The following DPP6 variants were observed in gnomAD, a reference collection of about 807,000 sequenced individuals.
DPP6 encodes dipeptidyl peptidase like 6.
Under a neutral mutation model 122.6 loss-of-function variants are expected in DPP6, and 69 were observed. The ratio of observed to expected loss-of-function variants is 0.56; its 90% confidence interval spans 0.46 to 0.69. The LOEUF is 0.69. DPP6 is among the 30% of genes least tolerant of loss of function. The pLI, the probability that DPP6 is intolerant of heterozygous loss-of-function variation, is 0.00. For synonymous variants in DPP6, 418 were observed against 433.1 expected (o/e 0.97, Z 0.43); for missense variants, 928 against 1,116.9 (o/e 0.83, Z 2.41).
At chr7:153,974,473 A>G (rs1796195816) in intron 1 of DPP6, among the ~76,000 whole-genome samples, 1 of 152,192 alleles carries the variant, frequency 6.6e-6, no homozygotes. Flanking sequence ...CAGAGCCTGC[A>G]GTCCCTTTCC....
upstream of DPP6, among the ~76,000 whole-genome samples, chr7:153,884,525 T>C (rs1487277574): frequency 1.3e-5 from 2 of 152,194 alleles, no homozygotes; most frequent in Non-Finnish European, 2.9e-5. Context: ...ATCCCATTAC[T>C]GGGTATATAC....
chr7:154,324,857 T>C (rs1808288649), intron 1 of DPP6, among the ~76,000 whole-genome samples: 1 of 131,990 alleles, frequency 7.6e-6, no homozygotes, highest in South Asian at 2.6e-4. Context: ...CTTTCTTCTT[T>C]CCTTTTGTTA....
At chr7:154,475,125 G>A (rs536912903) in intron 3 of DPP6, 88 bp downstream of exon 3, 43 of 990,806 alleles carry the variant, frequency 4.3e-5, no homozygotes, top group South Asian at 1.2e-4. Context: ...TTTGCCTCTC[G>A]GATTTCCCCC....
At position 154,856,419 on chromosome 7, in the gene DPP6, C is replaced by T. The variant is rs563047896; in HGVS notation, c.1714+2592C>T. ...GCTCATGTGTGAGTGAAAATGAAGC[C>T]GGCCTGTATCTTAGGTGTGTGTGAC... On this transcript the variant is annotated intron_variant, in intron 17 of 25. Coordinates refer to ENST00000377770, the MANE Select transcript of DPP6 (RefSeq NM_130797.4). Among the ~76,000 whole-genome samples the T allele has an allele frequency of 9.1e-4, 138 of 152,280 alleles. No homozygotes were observed. The South Asian group carries it at 0.028, about 31-fold the overall frequency.
At chr7:154,774,255 G>A (rs1796431946) in intron 10 of DPP6, among the ~76,000 whole-genome samples, 1 of 151,986 alleles carries the variant, frequency 6.6e-6, no homozygotes, top group South Asian at 2.1e-4. Flanking sequence ...AATTGATTTG[G>A]CTGGTGATAT....
At chr7:154,175,237 G>A (rs12532924) in intron 1 of DPP6, among the ~76,000 whole-genome samples, 73,511 of 151,732 alleles carry the variant, frequency 0.48, 18,578 homozygotes, top group East Asian at 0.6. Flanking sequence ...ACACCAATGG[G>A]TATATTACAG....
intron 7 of DPP6, among the ~76,000 whole-genome samples, chr7:154,682,241 T>C (rs1190464533): frequency 6.6e-6 from 1 of 152,252 alleles, no homozygotes; most frequent in African/African-American, 2.4e-5. Context: ...TTAAAATGTT[T>C]GTTATGCTGT....
the DPP6 span, among the ~76,000 whole-genome samples, chr7:153,763,775 C>T: frequency 2.0e-5 from 3 of 152,164 alleles, no homozygotes; most frequent in African/African-American, 7.2e-5. Context: ...GACTGCCCAA[C>T]GGGTCTCAGA....
intron 1 of DPP6, among the ~76,000 whole-genome samples, chr7:154,430,097 G>T (rs1035495994): frequency 1.3e-5 from 2 of 152,034 alleles, no homozygotes; most frequent in Admixed American, 1.3e-4. Context: ...AGAATCTCAG[G>T]GTTTGGCACT....
chr7:154,218,562 C>T (rs1800131126), intron 1 of DPP6, among the ~76,000 whole-genome samples: 2 of 152,168 alleles, frequency 1.3e-5, no homozygotes, highest in Admixed American at 6.5e-5. Context: ...TTGATAGGCT[C>T]TTTGTGTATG....
chr7:154,247,102 C>G (rs1802030379), intron 1 of DPP6, among the ~76,000 whole-genome samples: 2 of 152,152 alleles, frequency 1.3e-5, no homozygotes, highest in African/African-American at 4.8e-5. Flanking sequence ...CATTTGAGGT[C>G]AGGAGTTTGA....
intron 1 of DPP6, among the ~76,000 whole-genome samples, chr7:154,128,711 A>G (rs1002060614): frequency 2.5e-4 from 38 of 151,322 alleles, no homozygotes; most frequent in Non-Finnish European, 4.1e-4. Flanking sequence ...TAAAAAATAC[A>G]TTTACAAAAT....
intron 1 of DPP6, among the ~76,000 whole-genome samples, chr7:154,258,632 A>C (rs986895749): frequency 1.3e-5 from 2 of 152,258 alleles, no homozygotes; most frequent in African/African-American, 4.8e-5. Flanking sequence ...TAACAAAATA[A>C]GTAAACAATC....
intron 10 of DPP6, among the ~76,000 whole-genome samples, chr7:154,774,299 A>T (rs1001609650): frequency 6.6e-6 from 1 of 152,190 alleles, no homozygotes; most frequent in Non-Finnish European, 1.5e-5. Context: ...AGTTCAGATG[A>T]TTGCTTTGGC....
intron 18 of DPP6, among the ~76,000 whole-genome samples, chr7:154,869,471 G>A (rs1307215985): frequency 6.6e-6 from 1 of 152,258 alleles, no homozygotes; most frequent in African/African-American, 2.4e-5. Context: ...CGGAACGTGG[G>A]ACTTGAACAT....
chr7:154,138,113 G>A (rs1471914646), intron 1 of DPP6, among the ~76,000 whole-genome samples: 3 of 152,144 alleles, frequency 2.0e-5, no homozygotes. Context: ...CTTTGCAAAC[G>A]AGGTGTTTTT....
At chr7:154,313,714 T>TATATATATATATAC (rs1177234778) in intron 1 of DPP6, among the ~76,000 whole-genome samples, 1 of 17,784 alleles carries the variant, frequency 5.6e-5, no homozygotes, top group African/African-American at 1.6e-4. Flanking sequence ...TATATATATA[T>TATATATATATATAC]ACACACACAC....
At chr7:154,354,493 C>A (rs536673668) in intron 1 of DPP6, among the ~76,000 whole-genome samples, 17 of 152,280 alleles carry the variant, frequency 1.1e-4, no homozygotes, top group African/African-American at 3.6e-4. Flanking sequence ...CTACTCCTTT[C>A]CAGTATATCC....
chr7:154,279,850 C>A (rs1451365032), intron 1 of DPP6, among the ~76,000 whole-genome samples: 1 of 152,190 alleles, frequency 6.6e-6, no homozygotes, highest in Non-Finnish European at 1.5e-5. Flanking sequence ...ACAATTACTG[C>A]ACAGGGGATG....
Sources: gnomAD v4.1 joint callset for allele counts (sites outside exome capture counted in the v4.1 genomes callset) on GRCh38, gnomAD v4.1.1 for gene constraint, MANE v1.5 for transcripts, NCBI Gene and HGNC (gene_info 2026-07-23, HGNC 2026-07-21) for gene names.